The following DLG2 variants were observed in gnomAD, a reference collection of about 807,000 sequenced individuals.
DLG2 encodes disks large homolog 2.
Under a neutral mutation model 132.5 loss-of-function variants are expected in DLG2, and 45 were observed. The observed-to-expected ratio is 0.34, with a 90% CI of 0.27 to 0.44. The LOEUF is 0.44. DLG2 is among the 20% of genes least tolerant of loss of function. DLG2 has a pLI of 1.00. For synonymous variants in DLG2, 424 were observed against 419.6 expected, an observed-to-expected ratio of 1.01 and a Z score of -0.13; for missense variants, 1,045 against 1,196.9, an observed-to-expected ratio of 0.87 and a Z score of 1.87.
intron 8 of DLG2, among the ~76,000 whole-genome samples, chr11:84,179,522 T>C (rs2096062475): frequency 6.6e-6 from 1 of 152,106 alleles, no homozygotes; most frequent in African/African-American, 2.4e-5. Context: ...ACTCTGACAG[T>C]CATGAACTCC....
chr11:84,850,507 T>A (rs890986022), intron 6 of DLG2, among the ~76,000 whole-genome samples: 1 of 152,166 alleles, frequency 6.6e-6, no homozygotes. Context: ...CAAGGGTGTT[T>A]GCTCTTACCA....
At chr11:85,159,774 G>T (rs923669642) in intron 4 of DLG2, among the ~76,000 whole-genome samples, 1 of 152,160 alleles carries the variant, frequency 6.6e-6, no homozygotes, top group African/African-American at 2.4e-5. Context: ...CAGCCAGCAA[G>T]GTCAACAATA....
At chr11:83,519,681 AAAATACTAATC>A (rs1408719496) in intron 21 of DLG2, among the ~76,000 whole-genome samples, 5 of 152,226 alleles carry the variant, frequency 3.3e-5, no homozygotes, top group African/African-American at 9.6e-5. Flanking sequence ...TCACATTTAA[AAAATACTAATC>A]AAAGTCAAAT....
At chr11:85,127,362 A>T (rs1219920090) in intron 5 of DLG2, among the ~76,000 whole-genome samples, 1 of 125,674 alleles carries the variant, frequency 8.0e-6, no homozygotes, top group African/African-American at 2.7e-5. Context: ...CTTAATTTTC[A>T]CTTCCTCAGG....
chr11:85,412,758 CACAT>C (rs1438669110), intron 3 of DLG2, among the ~76,000 whole-genome samples: 143 of 117,452 alleles, frequency 1.2e-3, no homozygotes, highest in South Asian at 0.012. Flanking sequence ...CACACACACA[CACAT>C]ATATATATAT....
Position 84,151,010 on chromosome 11 carries a change from A to G in DLG2, c.624+12451T>C, listed in dbSNP as rs2095275220. Among the ~76,000 whole-genome samples the G allele has an allele frequency of 2.6e-5, 4 of 152,092 alleles. No homozygotes were observed. The South Asian group carries it at 8.3e-4, about 32-fold the overall frequency. On this transcript the variant is annotated intron_variant, in intron 9 of 27. Coordinates refer to ENST00000376104, the MANE Select transcript of DLG2 (RefSeq NM_001142699.3). The stretch of plus-strand genomic sequence containing the variant: ...GATGTGCTGCTGGATTCAGTTTGCT[A>G]GTATTTTGTTGAGAATTTTTGTATC...
chr11:83,651,635 AGAGGAGTTG>A (rs2070493150), intron 18 of DLG2: 1 of 268,768 alleles, frequency 3.7e-6, no homozygotes, highest in African/African-American at 2.2e-5. Context: ...AGAAGAAAGA[AGAGGAGTTG>A]GAGGAGGAGG....
At chr11:85,322,808 A>G (rs186836255) in intron 3 of DLG2, among the ~76,000 whole-genome samples, 1 of 152,232 alleles carries the variant, frequency 6.6e-6, no homozygotes, top group Admixed American at 6.5e-5. Flanking sequence ...GATCCTATAT[A>G]ATAAATATCT....
chr11:85,376,133 C>T (rs781487545), intron 3 of DLG2, among the ~76,000 whole-genome samples: 40 of 152,232 alleles, frequency 2.6e-4, no homozygotes, highest in Non-Finnish European at 5.3e-4. Context: ...TACATCCCCA[C>T]AGAGGGCTTA....
chr11:85,058,165 G>A (rs1263585836), intron 6 of DLG2, among the ~76,000 whole-genome samples: 2 of 151,394 alleles, frequency 1.3e-5, no homozygotes, highest in Non-Finnish European at 3.0e-5. Context: ...AGAATCTATA[G>A]ACGAAGCATT....
intron 6 of DLG2, among the ~76,000 whole-genome samples, chr11:84,691,388 A>C (rs1360521499): frequency 6.6e-6 from 1 of 151,816 alleles, no homozygotes; most frequent in African/African-American, 2.4e-5. Flanking sequence ...TTACTGGCTA[A>C]AATTCTACGT....
chr11:84,994,088 C>A (rs2057400984), intron 6 of DLG2, among the ~76,000 whole-genome samples: 1 of 151,940 alleles, frequency 6.6e-6, no homozygotes, highest in South Asian at 2.1e-4. Context: ...CTTTGGAGTC[C>A]CATCTATTGT....
At chr11:85,447,805 T>G (rs1014167333) in intron 3 of DLG2, among the ~76,000 whole-genome samples, 1 of 152,182 alleles carries the variant, frequency 6.6e-6, no homozygotes, top group Non-Finnish European at 1.5e-5. Flanking sequence ...CCATAAGTAT[T>G]TTTATTTTGG....
At chr11:84,542,764 A>G (rs760192496) in intron 6 of DLG2, among the ~76,000 whole-genome samples, 5 of 152,226 alleles carry the variant, frequency 3.3e-5, no homozygotes, top group Non-Finnish European at 7.3e-5. Context: ...AACGAGCTCA[A>G]TGATGAACCA....
At chr11:83,549,043 C>T (rs759985550) in intron 19 of DLG2, among the ~76,000 whole-genome samples, 20 of 152,118 alleles carry the variant, frequency 1.3e-4, no homozygotes, top group Non-Finnish European at 2.9e-4. Flanking sequence ...GAGGCCTTTG[C>T]TTTCCTGACA....
At chr11:85,529,199 T>G (rs2075016303) in intron 3 of DLG2, among the ~76,000 whole-genome samples, 1 of 152,214 alleles carries the variant, frequency 6.6e-6, no homozygotes, top group South Asian at 2.1e-4. Flanking sequence ...AGCATACAGA[T>G]GGAACTCTCC....
intron 3 of DLG2, among the ~76,000 whole-genome samples, chr11:85,471,294 T>C (rs1012082719): frequency 2.0e-5 from 3 of 152,134 alleles, no homozygotes; most frequent in African/African-American, 7.2e-5. Flanking sequence ...TTAAGATATA[T>C]AAACATAGAT....
At chr11:83,645,648 A>T (rs181180864) in intron 18 of DLG2, 51 of 152,310 alleles carry the variant, frequency 3.3e-4, no homozygotes, top group African/African-American at 1.1e-3. Context: ...ATCCCAAGCA[A>T]GCTGCCTATG....
At chr11:83,589,876 G>A (rs1360786413) in intron 19 of DLG2, among the ~76,000 whole-genome samples, 2 of 143,060 alleles carry the variant, frequency 1.4e-5, no homozygotes, top group Non-Finnish European at 3.0e-5. Context: ...AACCAACAAA[G>A]ATCAAAAGAG....
Sources: allele counts gnomAD v4.1 joint callset (sites outside exome capture counted in the v4.1 genomes callset), GRCh38; gene constraint gnomAD v4.1.1; transcripts MANE v1.5; gene names NCBI Gene and HGNC (gene_info 2026-07-23, HGNC 2026-07-21).